The following TSFM variants were observed in gnomAD, a reference collection of about 807,000 sequenced individuals.
TSFM encodes Ts translation elongation factor, mitochondrial, also known as elongation factor Ts, mitochondrial.
Under a neutral mutation model 33.4 loss-of-function variants are expected in TSFM, and 29 were observed. The observed-to-expected ratio is 0.87, with a 90% confidence interval of 0.65 to 1.18. The LOEUF is 1.18. Ranked by LOEUF, TSFM falls within the 50% of genes most tolerant of loss-of-function variation. The probability of loss-of-function intolerance (pLI) is 0.00; values close to 1 mark genes in which losing one functional copy is unlikely to be tolerated. For synonymous variants in TSFM, 178 were observed against 163.5 expected (o/e 1.09, Z -0.68); for missense variants, 394 against 395.6 (o/e 1.00, Z 0.04).
At chr12:57,787,009 C>A in intron 3 of TSFM, 31 bp from the exon 4 acceptor site, 1 of 1,608,058 alleles carries the variant, frequency 6.2e-7, no homozygotes, top group Non-Finnish European at 8.5e-7. Context: ...CATTAAACAG[C>A]TTATACAGCT....
chr12:57,793,185 G>A (rs1167955021), intron 5 of TSFM, 112 bp downstream of exon 5: 3 of 868,406 alleles, frequency 3.5e-6, no homozygotes, highest in Non-Finnish European at 5.5e-6. Context: ...CAGATGATAC[G>A]AACGTGAGAA....
chr12:57,783,596 CT>C (rs5798416), intron 2 of TSFM: 163,997 of 459,910 alleles, frequency 0.36, 6,966 homozygotes, highest in East Asian at 0.52. Context: ...TGACTTTAGA[CT>C]TTTTTTTTTT....
At chr12:57,797,855 C>T (rs113785006), downstream of TSFM, 15 of 1,516,642 alleles carry the variant, frequency 9.9e-6, no homozygotes, top group African/African-American at 1.1e-4. Context: ...TTTCTGTGGC[C>T]TTGCAATAGG....
chr12:57,796,149 T>C (rs1955734690), intron 5 of TSFM, 28 bp from the exon 6 acceptor site: 1 of 1,546,950 alleles, frequency 6.5e-7, no homozygotes, highest in African/African-American at 1.4e-5. Context: ...TTTGTTGGTG[T>C]GTTGGTTTTT....
At chr12:57,786,614 G>C (rs922670696) in intron 3 of TSFM, among the ~76,000 whole-genome samples, 6 of 152,210 alleles carry the variant, frequency 3.9e-5, no homozygotes, top group Non-Finnish European at 5.9e-5. Context: ...GCTGAATAGA[G>C]AGTAGGTATT....
chr12:57,800,100 A>G, downstream of TSFM: 2 of 843,192 alleles, frequency 2.4e-6, no homozygotes, highest in Non-Finnish European at 3.5e-6. Flanking sequence ...AATAGAAAAT[A>G]TTCAGATTTT....
At chr12:57,798,720 A>G (rs1313006344), downstream of TSFM, among the ~76,000 whole-genome samples, 1 of 151,128 alleles carries the variant, frequency 6.6e-6, no homozygotes, top group East Asian at 1.9e-4. Context: ...GGGTTCAAGC[A>G]GTTCTCCTCC....
chr12:57,793,953 C>T (rs1289284957), intron 5 of TSFM, among the ~76,000 whole-genome samples: 1 of 152,212 alleles, frequency 6.6e-6, no homozygotes, highest in Non-Finnish European at 1.5e-5. Context: ...GGAACCACAT[C>T]TGGATCATTG....
chr12:57,801,105 C>A (rs1170245937), downstream of TSFM: 2 of 1,576,204 alleles, frequency 1.3e-6, no homozygotes, highest in Admixed American at 1.7e-5. Flanking sequence ...CTCTGGTTGC[C>A]CATGTGGCTG....
chr12:57,783,511 C>T (rs1955542839), intron 2 of TSFM: 3 of 699,604 alleles, frequency 4.3e-6, no homozygotes, highest in Non-Finnish European at 7.9e-6. Flanking sequence ...TTCTTGTTGC[C>T]TGGAGCTGAA....
chr12:57,789,555 G>A (rs111327270), intron 4 of TSFM, among the ~76,000 whole-genome samples: 1,631 of 151,920 alleles, frequency 0.011, 18 homozygotes, highest in Non-Finnish European at 0.018. Flanking sequence ...TAGTAGAAAT[G>A]GGGTTTTGCC....
chr12:57,799,714 G>C, downstream of TSFM: 1 of 1,590,970 alleles, frequency 6.3e-7, no homozygotes, highest in Non-Finnish European at 8.6e-7. Context: ...TGCCGGAGCT[G>C]TCCTAGGCCA....
chr12:57,796,073 C>CA (rs1318416764), intron 5 of TSFM, 104 bp from the exon 6 acceptor site: 17 of 1,034,688 alleles, frequency 1.6e-5, no homozygotes, highest in Non-Finnish European at 2.4e-5. Flanking sequence ...TATGTAAATG[C>CA]AAAGGGACTG....
intron 4 of TSFM, among the ~76,000 whole-genome samples, chr12:57,787,889 C>G (rs192868947): frequency 2.0e-5 from 3 of 151,494 alleles, no homozygotes; most frequent in African/African-American, 4.9e-5. Context: ...GTACTCCCCC[C>G]GGGCAATAAG....
At chr12:57,793,347 C>CGAGT (rs996320746) in intron 5 of TSFM, among the ~76,000 whole-genome samples, 12 of 152,126 alleles carry the variant, frequency 7.9e-5, no homozygotes, top group African/African-American at 2.9e-4. Flanking sequence ...CTCAGCCTCC[C>CGAGT]GAGTAGCTGG....
At chr12:57,783,754 C>T (rs1158223878) in intron 2 of TSFM, 3 of 576,496 alleles carry the variant, frequency 5.2e-6, no homozygotes, top group Admixed American at 3.2e-5. Flanking sequence ...CCACGACACC[C>T]GGCTATTTTA....
chr12:57,784,434 T>C (rs1479604135), intron 2 of TSFM, among the ~76,000 whole-genome samples: 1 of 152,264 alleles, frequency 6.6e-6, no homozygotes, highest in African/African-American at 2.4e-5. Context: ...AACCTTAGTT[T>C]AATGTAACAT....
downstream of TSFM, chr12:57,802,380 G>A (rs1238124360): frequency 2.5e-6 from 4 of 1,575,786 alleles, no homozygotes; most frequent in Non-Finnish European, 3.5e-6. Context: ...ATATGTTACT[G>A]TGTTCATACC....
intron 1 of TSFM, 57 bp from the exon 2 acceptor site, chr12:57,783,053 C>T (rs1955534091): frequency 5.7e-6 from 9 of 1,568,194 alleles, no homozygotes; most frequent in Non-Finnish European, 6.9e-6. Context: ...CCCGTGTACC[C>T]TTCACCCTCT....
Sources: gnomAD v4.1 joint callset for allele counts (sites outside exome capture counted in the v4.1 genomes callset) on GRCh38, gnomAD v4.1.1 for gene constraint, MANE v1.5 for transcripts, NCBI Gene and HGNC (gene_info 2026-07-23, HGNC 2026-07-21) for gene names.